The following RBFOX1 variants were observed in gnomAD, a reference collection of about 807,000 sequenced individuals.
RBFOX1 encodes the protein RNA binding fox-1 homolog 1.
A neutral mutation model predicts 57.7 loss-of-function variants in RBFOX1; 8 were observed. That is an observed-to-expected ratio of 0.14 (90% CI 0.08 to 0.25). RBFOX1 has a LOEUF of 0.25. RBFOX1 is among the 10% of genes least tolerant of loss of function. The probability of loss-of-function intolerance (pLI) is 1.00; values close to 1 mark genes in which losing one functional copy is unlikely to be tolerated. For missense variants in RBFOX1, 611 were observed against 548.5 expected, an observed-to-expected ratio of 1.11 and a Z score of -1.14; for synonymous variants, 326 against 222.4, an observed-to-expected ratio of 1.47 and a Z score of -4.15.
At chr16:6,272,735 A>C (rs1391031920) in intron 1 of RBFOX1, among the ~76,000 whole-genome samples, 1 of 152,224 alleles carries the variant, frequency 6.6e-6, no homozygotes, top group East Asian at 1.9e-4. Context: ...ATGGATAGAC[A>C]CATAGATCCA....
chr16:6,498,297 T>C (rs1445965127), intron 2 of RBFOX1, among the ~76,000 whole-genome samples: 2 of 150,988 alleles, frequency 1.3e-5, no homozygotes, highest in Non-Finnish European at 2.9e-5. Flanking sequence ...TAGCTATTCC[T>C]AGGTTGATAA....
intron 3 of RBFOX1, among the ~76,000 whole-genome samples, chr16:6,816,585 C>A (rs751375157): frequency 3.1e-4 from 47 of 151,752 alleles, no homozygotes; most frequent in African/African-American, 9.9e-4. Context: ...ACTAAAAATA[C>A]AAAAATTAGC....
intron 4 of RBFOX1, among the ~76,000 whole-genome samples, chr16:7,107,241 G>A (rs1350885740): frequency 6.6e-6 from 1 of 152,150 alleles, no homozygotes; most frequent in Non-Finnish European, 1.5e-5. Flanking sequence ...ACCTGTGGGA[G>A]ATCAGCACAC....
Position 7,078,878 on chromosome 16 carries a change from T to G in RBFOX1, c.27+26780T>G, listed in dbSNP as rs993811710. 5.0e-5 allele frequency among the ~76,000 whole-genome samples: 7 copies of G among 139,936 alleles called. 1 individual carries two copies. Among genetic ancestry groups the G allele is most frequent in the African/African-American group, 7.8e-5 (3 of 38,340 alleles). 91.8% of individuals were successfully genotyped at this position (139,936 alleles called of 152,430 possible). A position where few individuals can be genotyped will look rare whatever the true frequency, so the allele number is the denominator to read the frequency against. The stretch of plus-strand genomic sequence containing the variant: ...ATATATATACCTTTTTTTTTTTTTT[T>G]TTTTTTTTTTTAGTGAAGATGGGGT... On this transcript the variant is annotated intron_variant, in intron 4 of 15. Coordinates refer to ENST00000550418, the MANE Select transcript of RBFOX1 (RefSeq NM_018723.4).
chr16:7,172,504 A>C (rs2080894630), intron 4 of RBFOX1, among the ~76,000 whole-genome samples: 1 of 152,312 alleles, frequency 6.6e-6, no homozygotes, highest in Admixed American at 6.5e-5. Flanking sequence ...GCAAATCCAA[A>C]GTGCTACCTT....
chr16:6,259,517 C>T (rs991359636), intron 1 of RBFOX1, among the ~76,000 whole-genome samples: 4 of 152,154 alleles, frequency 2.6e-5, no homozygotes, highest in Admixed American at 6.6e-5. Flanking sequence ...TCTCTCTCCT[C>T]AAACTCACTT....
chr16:6,967,705 T>G (rs2084587753), intron 3 of RBFOX1, among the ~76,000 whole-genome samples: 1 of 152,058 alleles, frequency 6.6e-6, no homozygotes, highest in Admixed American at 6.6e-5. Flanking sequence ...ACACGGTAGG[T>G]CCTTGGTCAA....
At chr16:5,801,582 A>G (rs1597311576) in intron 3 of RBFOX1, among the ~76,000 whole-genome samples, 4 of 152,074 alleles carry the variant, frequency 2.6e-5, no homozygotes, top group Non-Finnish European at 5.9e-5. Flanking sequence ...GGGTTTGGTT[A>G]CTTTGGGGAA....
chr16:7,069,729 C>G (rs2056929301), intron 4 of RBFOX1, among the ~76,000 whole-genome samples: 1 of 152,156 alleles, frequency 6.6e-6, no homozygotes, highest in African/African-American at 2.4e-5. Flanking sequence ...GAGGTGTGTT[C>G]TGCCATCTCC....
At chr16:7,703,109 G>A (rs1012924779) in intron 14 of RBFOX1, among the ~76,000 whole-genome samples, 1 of 144,364 alleles carries the variant, frequency 6.9e-6, no homozygotes, top group East Asian at 2.0e-4. Context: ...TAGAACCACT[G>A]AACCACAGTT....
chr16:6,327,011 A>G (rs773178430), intron 2 of RBFOX1, among the ~76,000 whole-genome samples: 1 of 152,032 alleles, frequency 6.6e-6, no homozygotes, highest in Non-Finnish European at 1.5e-5. Context: ...CTCGTTTTAA[A>G]CTTATCACAC....
At chr16:7,696,593 T>C (rs898712641) in intron 14 of RBFOX1, among the ~76,000 whole-genome samples, 8 of 151,388 alleles carry the variant, frequency 5.3e-5, no homozygotes, top group African/African-American at 2.0e-4. Flanking sequence ...TCAGGAACTG[T>C]TCTAAGCCCT....
intron 2 of RBFOX1, among the ~76,000 whole-genome samples, chr16:6,602,263 A>T (rs2097862164): frequency 6.6e-6 from 1 of 151,956 alleles, no homozygotes; most frequent in South Asian, 2.1e-4. Flanking sequence ...TCTCCCATTC[A>T]GTGGGTTGCC....
At chr16:6,486,655 TATTA>T (rs1171047796) in intron 2 of RBFOX1, among the ~76,000 whole-genome samples, 1 of 125,064 alleles carries the variant, frequency 8.0e-6, no homozygotes, top group Non-Finnish European at 1.9e-5. Context: ...CCCTTAATTT[TATTA>T]TTTTTTTTTT....
At chr16:5,799,703 G>C (rs769589235) in intron 3 of RBFOX1, among the ~76,000 whole-genome samples, 42 of 152,056 alleles carry the variant, frequency 2.8e-4, no homozygotes, top group Admixed American at 4.6e-4. Context: ...CGGTTGGTGA[G>C]GCATATTGAA....
chr16:5,496,503 C>T (rs568153493), intron 2 of RBFOX1, among the ~76,000 whole-genome samples: 1 of 152,106 alleles, frequency 6.6e-6, no homozygotes, highest in African/African-American at 2.4e-5. Flanking sequence ...ATCTTCTTTC[C>T]TCATCTCTCG....
chr16:6,638,211 G>T (rs115121225), intron 2 of RBFOX1, among the ~76,000 whole-genome samples: 130 of 152,232 alleles, frequency 8.5e-4, no homozygotes, highest in African/African-American at 2.9e-3. Context: ...AGGAAACTTG[G>T]CATTTGGGAA....
intron 1 of RBFOX1, among the ~76,000 whole-genome samples, chr16:6,269,496 A>G (rs915998669): frequency 5.9e-5 from 9 of 152,184 alleles, no homozygotes; most frequent in African/African-American, 2.2e-4. Context: ...AACGAGAGTA[A>G]AATGCACGCC....
At chr16:6,618,923 CAG>C (rs2098183502) in intron 2 of RBFOX1, among the ~76,000 whole-genome samples, 3 of 152,152 alleles carry the variant, frequency 2.0e-5, no homozygotes, top group Non-Finnish European at 4.4e-5. Context: ...TCCGTAAAAA[CAG>C]AGTCATAGGG....
Sources: allele counts gnomAD v4.1 joint callset (sites outside exome capture counted in the v4.1 genomes callset), GRCh38; gene constraint gnomAD v4.1.1; transcripts MANE v1.5; gene names NCBI Gene and HGNC (gene_info 2026-07-23, HGNC 2026-07-21).